Variants in FOXO3 observed in about 807,000 individuals in gnomAD.
The protein encoded by FOXO3 is forkhead box protein O3.
A neutral mutation model predicts 41.9 loss-of-function variants in FOXO3; 4 were observed. The ratio of observed to expected loss-of-function variants is 0.10; its 90% CI spans 0.05 to 0.22. FOXO3 has a LOEUF of 0.22. Among genes scored for constraint, FOXO3 ranks in the 10% least tolerant of loss-of-function variants. The pLI, the probability that FOXO3 is intolerant of heterozygous loss-of-function variation, is 1.00. For missense variants in FOXO3, 534 were observed against 906.8 expected, an observed-to-expected ratio of 0.59 and a Z score of 5.28; for synonymous variants, 318 against 389.3, an observed-to-expected ratio of 0.82 and a Z score of 2.16.
intron 1 of FOXO3, among the ~76,000 whole-genome samples, chr6:108,574,443 G>A (rs893967882): frequency 2.6e-5 from 4 of 152,092 alleles, no homozygotes; most frequent in African/African-American, 9.7e-5. Flanking sequence ...CAAGCACGTA[G>A]ATGAATGCAG....
chr6:108,636,658 G>A (rs1402594124), intron 1 of FOXO3, among the ~76,000 whole-genome samples: 8 of 152,152 alleles, frequency 5.3e-5, no homozygotes, highest in Non-Finnish European at 1.2e-4. Flanking sequence ...TAGGGATGGA[G>A]GTCTCCAGGG....
Position 108,683,257 on chromosome 6 carries a change from T to C in FOXO3, c.*3465T>C, listed in dbSNP as rs987775254. 1 of 152,246 alleles carries C rather than the reference T, an allele frequency of 6.6e-6. No individual in the cohort carries two copies. The highest frequency in any genetic ancestry group is 1.5e-5 in the Non-Finnish European group (1 of 68,024). The allele number at this position is 152,246 out of a possible 1,614,324, so 9.4% of individuals were successfully genotyped here. On this transcript the variant is annotated 3_prime_UTR_variant, in exon 3 of 3. Coordinates refer to ENST00000406360, the MANE Select transcript of FOXO3 (RefSeq NM_001455.4). ...TCCCCACCCTGAGGAGAGGACACCA[T>C]GGCTTACTACTCAGGACAAGTATGC...
intron 1 of FOXO3, among the ~76,000 whole-genome samples, chr6:108,657,985 T>C (rs1466147803): frequency 6.6e-6 from 1 of 152,214 alleles, no homozygotes; most frequent in Non-Finnish European, 1.5e-5. Context: ...AACCCCCCTC[T>C]GGGCCTGGGG....
At chr6:108,596,034 T>G (rs1048942048) in intron 1 of FOXO3, among the ~76,000 whole-genome samples, 11 of 152,182 alleles carry the variant, frequency 7.2e-5, no homozygotes, top group East Asian at 3.8e-4. Context: ...AAACTTTCCA[T>G]TCATATTTTT....
chr6:108,573,288 AAAAT>A lies in FOXO3; in HGVS notation c.621+11470_621+11473del, dbSNP rs902686817. On this transcript the variant is annotated intron_variant, in intron 1 of 2. Transcript: ENST00000406360. ...GGTGACAGAGAGAGACTCTGTCTCA[AAAAT>A]AAATAAATAAGTAAGTAAGTAAGTA... 2.0e-4 allele frequency among the ~76,000 whole-genome samples: 30 copies of A among 151,878 alleles called. No homozygotes were observed. The South Asian group carries it at 5.0e-3, about 25-fold the overall frequency.
chr6:108,611,789 G>T (rs1356354280), intron 1 of FOXO3, among the ~76,000 whole-genome samples: 1 of 150,096 alleles, frequency 6.7e-6, no homozygotes, highest in African/African-American at 2.5e-5. Context: ...AATAAGTATT[G>T]CCAGTACTTT....
intron 1 of FOXO3, among the ~76,000 whole-genome samples, chr6:108,623,005 G>A (rs1240186317): frequency 2.0e-5 from 3 of 151,484 alleles, no homozygotes; most frequent in South Asian, 2.1e-4. Context: ...GGTGGGCCAC[G>A]TCCAGGACAG....
At chr6:108,614,078 T>G (rs774486260) in intron 1 of FOXO3, among the ~76,000 whole-genome samples, 2 of 152,152 alleles carry the variant, frequency 1.3e-5, no homozygotes, top group African/African-American at 4.8e-5. Flanking sequence ...GGAGAATCTG[T>G]TTTGTGTTGT....
At position 108,682,441 on chromosome 6, in the gene FOXO3, T is replaced by A. The variant is rs575586057; in HGVS notation, c.*2649T>A. 12 of 152,448 alleles carry A rather than the reference T, an allele frequency of 7.9e-5. No homozygotes were observed. The highest frequency in any genetic ancestry group is 5.9e-4 in the Admixed American group (9 of 15,306). 9.4% of individuals were successfully genotyped at this position (152,448 alleles called of 1,614,324 possible). On this transcript the variant is annotated 3_prime_UTR_variant, in exon 3 of 3. Transcript: ENST00000406360. ...TAAAACAGCATCTACATGTAGAGTG[T>A]TGTGGAGAGCTGAGACCAGGGTAAA... is the stretch of plus-strand genomic sequence containing the variant.
chr6:108,639,399 T>C (rs527465064), intron 1 of FOXO3: 16 of 238,088 alleles, frequency 6.7e-5, no homozygotes, highest in African/African-American at 3.7e-4. Flanking sequence ...GCATTGTAAA[T>C]AAAGTCAGAA....
At chr6:108,590,481 G>C (rs891399688) in intron 1 of FOXO3, among the ~76,000 whole-genome samples, 1 of 152,148 alleles carries the variant, frequency 6.6e-6, no homozygotes, top group Non-Finnish European at 1.5e-5. Context: ...AATACTAAAT[G>C]AAATTATCTT....
chr6:108,596,836 A>G lies in FOXO3; in HGVS notation c.621+35007A>G, dbSNP rs148191403. On this transcript the variant is annotated intron_variant, in intron 1 of 2. Coordinates refer to ENST00000406360, the MANE Select transcript of FOXO3 (RefSeq NM_001455.4). ...GTCCTGCAGTAAAGAAACCTGTTTT[A>G]TATTGTTTAATCCATCATATCCCAA... is the stretch of plus-strand genomic sequence containing the variant. Among the ~76,000 whole-genome samples, 315 of 152,340 alleles carry G rather than the reference A, an allele frequency of 2.1e-3. 1 individual carries two copies. The highest frequency in any genetic ancestry group is 7.7e-3 in the South Asian group (37 of 4,826).
intron 1 of FOXO3, among the ~76,000 whole-genome samples, chr6:108,588,543 A>G (rs1396841679): frequency 6.6e-6 from 1 of 152,232 alleles, no homozygotes; most frequent in African/African-American, 2.4e-5. Context: ...CACACAGACC[A>G]TGGTCTTCCC....
intron 1 of FOXO3, among the ~76,000 whole-genome samples, chr6:108,619,904 C>T (rs1241201053): frequency 6.6e-6 from 1 of 152,164 alleles, no homozygotes; most frequent in Non-Finnish European, 1.5e-5. Flanking sequence ...CAAAGCCTGG[C>T]AAATCAGTCT....
intron 2 of FOXO3, among the ~76,000 whole-genome samples, chr6:108,666,849 C>T (rs1018627500): frequency 8.5e-5 from 13 of 152,282 alleles, no homozygotes; most frequent in African/African-American, 3.1e-4. Context: ...CACCCCTAGC[C>T]ACCTCGATGT....
chr6:108,583,789 C>G (rs993438571), intron 1 of FOXO3, among the ~76,000 whole-genome samples: 1 of 152,094 alleles, frequency 6.6e-6, no homozygotes, highest in African/African-American at 2.4e-5. Flanking sequence ...GTCTCATTGC[C>G]GATTATTGAA....
chr6:108,618,389 G>A, intron 1 of FOXO3: 1 of 515,196 alleles, frequency 1.9e-6, no homozygotes, highest in South Asian at 2.0e-5. Flanking sequence ...GAAGGAGGCA[G>A]CAGCAGCAGA....
rs1159028928 is a variant in FOXO3, at chr6:108,585,022, CTTTTTTTTTTTTTT to C, written c.621+23210_621+23223del. ...CACCAAGAATTGCTATCTCCAAAAT[CTTTTTTTTTTTTTT>C]TTTTTTTTTTTTTTTTGAGACAGAG... On this transcript the variant is annotated intron_variant, in intron 1 of 2. Transcript: ENST00000406360. Among the ~76,000 whole-genome samples, 37 of 51,532 alleles carry C rather than the reference CTTTTTTTTTTTTTT, an allele frequency of 7.2e-4. 1 individual carries two copies. The South Asian group carries it at 0.019, about 27-fold the overall frequency. 33.8% of individuals were successfully genotyped at this position (51,532 alleles called of 152,430 possible). A position where few individuals can be genotyped will look rare whatever the true frequency, so the allele number is the denominator to read the frequency against.
intron 2 of FOXO3, among the ~76,000 whole-genome samples, chr6:108,678,011 A>G (rs758054868): frequency 6.6e-6 from 1 of 152,202 alleles, no homozygotes; most frequent in Non-Finnish European, 1.5e-5. Flanking sequence ...TTTATACTTT[A>G]TTGTCCCTAC....
Sources: gnomAD v4.1 joint callset for allele counts (sites outside exome capture counted in the v4.1 genomes callset) on GRCh38, gnomAD v4.1.1 for gene constraint, MANE v1.5 for transcripts, NCBI Gene and HGNC (gene_info 2026-07-23, HGNC 2026-07-21) for gene names.